The following ANKRD55 variants were observed in gnomAD, a reference collection of about 807,000 sequenced individuals.
The protein encoded by ANKRD55 is ankyrin repeat domain-containing protein 55.
Under a neutral mutation model 60.6 loss-of-function variants are expected in ANKRD55, and 41 were observed. The observed-to-expected ratio is 0.68, with a 90% CI of 0.53 to 0.88. ANKRD55 has a LOEUF of 0.88. Ranked by LOEUF, ANKRD55 falls within the 40% of genes least tolerant of loss-of-function variation. The pLI, the probability that ANKRD55 is intolerant of heterozygous loss-of-function variation, is 0.00. For synonymous variants in ANKRD55, 264 were observed against 290.3 expected (o/e 0.91, Z 0.92); for missense variants, 732 against 767.6 (o/e 0.95, Z 0.55).
At chr5:56,140,389 T>C (rs1413956585) in intron 7 of ANKRD55, among the ~76,000 whole-genome samples, 2 of 152,228 alleles carry the variant, frequency 1.3e-5, no homozygotes, top group African/African-American at 4.8e-5. Context: ...GCCGGGGTTC[T>C]TAGCCTTTTG....
chr5:56,111,682 C>G lies in ANKRD55; in HGVS notation c.1066G>C (p.Glu356Gln). ...TCCTTCTGATGGGCTCTCTGCTCTT[C>G]TTTCTTGTTTTTGCAGAATATTTGG... ...LNQIFCKNKK[E>Q]EQRAHQKDPS... The change falls in exon 10 of 12, where the codon GAA becomes CAA. Residue 356 changes from glutamate (E) to glutamine (Q), a missense_variant. By Grantham distance (29) the Glu-to-Gln change is conservative. Transcript: ENST00000341048. 6.6e-7 allele frequency: 1 copy of G among 1,522,028 alleles called. No individual in the cohort carries two copies. The highest frequency in any genetic ancestry group is 1.4e-5 in the South Asian group (1 of 73,670). 94.3% of individuals were successfully genotyped at this position (1,522,028 alleles called of 1,614,324 possible).
intron 7 of ANKRD55, among the ~76,000 whole-genome samples, chr5:56,129,933 A>G (rs569786705): frequency 1.9e-3 from 296 of 152,344 alleles, no homozygotes; most frequent in African/African-American, 5.8e-3. Flanking sequence ...CAGACATGTT[A>G]GACTAGAATG....
intron 10 of ANKRD55, among the ~76,000 whole-genome samples, chr5:56,105,485 G>C (rs1580933795): frequency 6.6e-6 from 1 of 152,172 alleles, no homozygotes; most frequent in East Asian, 1.9e-4. Context: ...TTTTGAGCTG[G>C]TTCTTAAAAG....
chr5:56,182,531 G>A (rs759801605), intron 3 of ANKRD55, among the ~76,000 whole-genome samples: 4 of 151,656 alleles, frequency 2.6e-5, no homozygotes, highest in Non-Finnish European at 4.4e-5. Flanking sequence ...TTTTTGTCAC[G>A]GTTATTTTAA....
intron 2 of ANKRD55, among the ~76,000 whole-genome samples, chr5:56,228,721 G>T (rs943708333): frequency 1.3e-5 from 2 of 152,078 alleles, no homozygotes; most frequent in African/African-American, 4.8e-5. Flanking sequence ...CACTGCACCC[G>T]GCCTGCTGCT....
chr5:56,132,046 T>C (rs563670404), intron 7 of ANKRD55, among the ~76,000 whole-genome samples: 2 of 151,924 alleles, frequency 1.3e-5, no homozygotes, highest in African/African-American at 4.8e-5. Context: ...AGCTTATGTA[T>C]GCTTATATAT....
At chr5:56,208,416 TTTA>T (rs1561292946) in intron 2 of ANKRD55, among the ~76,000 whole-genome samples, 12 of 71,372 alleles carry the variant, frequency 1.7e-4, no homozygotes, top group African/African-American at 1.1e-3. Context: ...AAAAAAAATA[TTTA>T]TTTATTTATT....
chr5:56,193,063 A>T, intron 2 of ANKRD55: 1 of 843,374 alleles, frequency 1.2e-6, no homozygotes, highest in Non-Finnish European at 1.8e-6. Context: ...ATGATGACAC[A>T]TATTTCATAC....
At chr5:56,119,929 A>T (rs894428354) in intron 8 of ANKRD55, among the ~76,000 whole-genome samples, 1 of 152,084 alleles carries the variant, frequency 6.6e-6, no homozygotes, top group Non-Finnish European at 1.5e-5. Context: ...AAAAACAAAA[A>T]CTAAACAAAC....
At chr5:56,205,650 T>C (rs1235841883) in intron 2 of ANKRD55, among the ~76,000 whole-genome samples, 1 of 152,148 alleles carries the variant, frequency 6.6e-6, no homozygotes, top group East Asian at 1.9e-4. Context: ...CAGTGAATCT[T>C]GGGCTGGGGG....
At chr5:56,123,060 C>G (rs761821238) in intron 8 of ANKRD55, among the ~76,000 whole-genome samples, 12 of 152,126 alleles carry the variant, frequency 7.9e-5, no homozygotes, top group Non-Finnish European at 1.6e-4. Flanking sequence ...GCCTGGCCCA[C>G]ATTCCTATGA....
chr5:56,205,160 G>A (rs1033033931), intron 2 of ANKRD55, among the ~76,000 whole-genome samples: 1 of 152,010 alleles, frequency 6.6e-6, no homozygotes, highest in African/African-American at 2.4e-5. Context: ...TCCTGGGTCC[G>A]AACCATTCTC....
intron 8 of ANKRD55, among the ~76,000 whole-genome samples, chr5:56,122,408 C>T (rs924894150): frequency 5.9e-5 from 9 of 151,820 alleles, no homozygotes; most frequent in Admixed American, 2.0e-4. Flanking sequence ...CCCAGCACTT[C>T]GGGAGGCTGA....
chr5:56,135,756 G>A (rs374169728), intron 7 of ANKRD55, among the ~76,000 whole-genome samples: 108 of 152,102 alleles, frequency 7.1e-4, no homozygotes, highest in African/African-American at 2.6e-3. Context: ...GATTGGGAAG[G>A]AAGAAATAAA....
At chr5:56,178,986 A>C (rs1303249467) in intron 3 of ANKRD55, among the ~76,000 whole-genome samples, 1 of 152,114 alleles carries the variant, frequency 6.6e-6, no homozygotes, top group Non-Finnish European at 1.5e-5. Flanking sequence ...TAAATGTGGC[A>C]ACATTTAATA....
intron 6 of ANKRD55, among the ~76,000 whole-genome samples, chr5:56,149,215 G>C (rs1757978278): frequency 6.6e-6 from 1 of 152,132 alleles, no homozygotes; most frequent in African/African-American, 2.4e-5. Context: ...AAACTGAGTA[G>C]ATAGACGGTG....
At chr5:56,151,106 C>T (rs1319705568) in intron 6 of ANKRD55, among the ~76,000 whole-genome samples, 2 of 152,152 alleles carry the variant, frequency 1.3e-5, no homozygotes, top group Non-Finnish European at 2.9e-5. Flanking sequence ...AATCCTCCTG[C>T]CTCGGCCTCC....
At position 56,218,098 on chromosome 5, in the gene ANKRD55, T is replaced by C. The variant is rs190170319; in HGVS notation, c.58+14758A>G. On this transcript the variant is annotated intron_variant, in intron 2 of 11. Coordinates refer to ENST00000341048, the MANE Select transcript of ANKRD55 (RefSeq NM_024669.3). ...AATTGCTGCAATCTCATGATAAACC[T>C]TGAATGGATGAAGATTTGCTTCTTA... 2.0e-5 allele frequency among the ~76,000 whole-genome samples: 3 copies of C among 152,278 alleles called. No homozygotes were observed. In the East Asian group the frequency reaches 5.8e-4, roughly 29 times the overall value.
chr5:56,183,587 A>C lies in ANKRD55; in HGVS notation c.106T>G (p.Ser36Ala), dbSNP rs1369193490. Reference protein sequence around the residue: ...VDLTMVYQAASNGDVNALTAV... With the variant: ...VDLTMVYQAAANGDVNALTAV... ...GTCAGAGCATTGACATCTCCATTAG[A>C]GGCTGCTTGATAAACCATGGTCAGG... The change falls in exon 3 of 12, where the codon TCT becomes GCT. Residue 36 changes from serine to alanine, a missense_variant. Around this residue, in one of 3 missense-constraint regions of ANKRD55, gnomAD observed 131 missense variants for 142.7 expected, o/e 0.92. Transcript: ENST00000341048. The C allele has an allele frequency of 1.2e-6, 2 of 1,614,104 alleles. No individual in the cohort carries two copies. Among genetic ancestry groups the C allele is most frequent in the African/African-American group, 2.7e-5 (2 of 74,944 alleles).
Sources: gnomAD v4.1 joint callset for allele counts (sites outside exome capture counted in the v4.1 genomes callset) on GRCh38, gnomAD v4.1.1 for gene constraint, gnomAD v4.1.1 regional missense constraint, MANE v1.5 for transcripts, NCBI Gene and HGNC (gene_info 2026-07-23, HGNC 2026-07-21) for gene names.